Variants in OTUD7A observed in about 807,000 individuals in gnomAD.
OTUD7A encodes the protein OTU domain-containing protein 7A.
In OTUD7A, 12 loss-of-function variants were observed where a neutral mutation model predicts 65.7. The ratio of observed to expected loss-of-function variants is 0.18; its 90% CI spans 0.12 to 0.30. The LOEUF is 0.30. Ranked by LOEUF, OTUD7A falls within the 10% of genes least tolerant of loss-of-function variation. OTUD7A has a pLI of 1.00. For synonymous variants in OTUD7A, 641 were observed against 586.3 expected, an observed-to-expected ratio of 1.09 and a Z score of -1.35; for missense variants, 1,148 against 1,304.8, an observed-to-expected ratio of 0.88 and a Z score of 1.85.
At chr15:31,821,133 CTTTTTTTTTTTTT>C (rs35732957) in intron 1 of OTUD7A, among the ~76,000 whole-genome samples, 3 of 97,452 alleles carry the variant, frequency 3.1e-5, no homozygotes, top group Non-Finnish European at 5.9e-5. Context: ...TTTTTCATTT[CTTTTTTTTTTTTT>C]TTTTTTTTGA....
intron 1 of OTUD7A, among the ~76,000 whole-genome samples, chr15:31,856,821 C>A (rs2141011050): frequency 6.6e-6 from 1 of 152,314 alleles, no homozygotes; most frequent in East Asian, 1.9e-4. Context: ...CCCAACGGGT[C>A]CAGATTGTCA....
intron 3 of OTUD7A, among the ~76,000 whole-genome samples, chr15:31,576,217 T>C (rs985880785): frequency 7.9e-5 from 12 of 152,210 alleles, no homozygotes; most frequent in African/African-American, 2.9e-4. Context: ...AACAGTTCTG[T>C]GGCATTTTAC....
rs150862465 is a variant in OTUD7A at position 31,547,202 on chromosome 15, A to G, written c.550+11767T>C. ...GTCTTCAGAAAACCCCAATTTGCAA[A>G]TATTTTCACCTCATTTTATTTTTTC... is the stretch of plus-strand genomic sequence containing the variant. On this transcript the variant is annotated intron_variant, in intron 5 of 12. Transcript: ENST00000307050. 9.0e-4 allele frequency among the ~76,000 whole-genome samples: 112 copies of G among 124,866 alleles called. 1 individual carries two copies. Among genetic ancestry groups the G allele is most frequent in the African/African-American group, 2.8e-3 (111 of 39,624 alleles). 81.9% of individuals were successfully genotyped at this position (124,866 alleles called of 152,430 possible). A position where few individuals can be genotyped will look rare whatever the true frequency, so the allele number is the denominator to read the frequency against.
intron 1 of OTUD7A, among the ~76,000 whole-genome samples, chr15:31,848,878 G>C (rs1193081149): frequency 6.6e-6 from 1 of 152,182 alleles, no homozygotes; most frequent in African/African-American, 2.4e-5. Context: ...TTGCTGCCCT[G>C]TCCTTTTATG....
chr15:31,860,671 A>ATT (rs1897704124), intron 1 of OTUD7A, among the ~76,000 whole-genome samples: 1 of 38,528 alleles, frequency 2.6e-5, no homozygotes. Flanking sequence ...ATATAGATGT[A>ATT]TGTGTGTATA....
At chr15:31,741,237 A>G (rs1426870274) in intron 1 of OTUD7A, among the ~76,000 whole-genome samples, 1 of 152,220 alleles carries the variant, frequency 6.6e-6, no homozygotes, top group Non-Finnish European at 1.5e-5. Context: ...ACTTCCAAAT[A>G]ACCCATAGGA....
chr15:31,739,028 G>A (rs1894267019), intron 1 of OTUD7A, among the ~76,000 whole-genome samples: 2 of 115,006 alleles, frequency 1.7e-5, no homozygotes, highest in African/African-American at 6.5e-5. Context: ...GCTTCAGAAA[G>A]GCCACGGTCT....
At chr15:31,701,839 C>T (rs886841536) in intron 1 of OTUD7A, among the ~76,000 whole-genome samples, 1 of 152,122 alleles carries the variant, frequency 6.6e-6, no homozygotes, top group South Asian at 2.1e-4. Context: ...CAGACAAACC[C>T]AATGTAAACA....
Position 31,483,219 on chromosome 15 carries a change from G to A in OTUD7A, c.*75C>T. 2 of 1,042,920 alleles carry A rather than the reference G, an allele frequency of 1.9e-6. No individual in the cohort carries two copies. Among genetic ancestry groups the A allele is most frequent in the Non-Finnish European group, 2.3e-6 (2 of 868,014 alleles). 64.6% of individuals were successfully genotyped at this position (1,042,920 alleles called of 1,614,324 possible). A position where few individuals can be genotyped will look rare whatever the true frequency, so the allele number is the denominator to read the frequency against. On this transcript the variant is annotated 3_prime_UTR_variant, in exon 13 of 13. Coordinates refer to ENST00000307050, the MANE Select transcript of OTUD7A (RefSeq NM_001382637.1). ...CCGGCCTTCCGGTGGACCAGGGCATGTAAAAAAGACACCGACACAATGGAA... is the reference window on the plus strand; with the variant it reads ...CCGGCCTTCCGGTGGACCAGGGCATATAAAAAAGACACCGACACAATGGAA...
intron 3 of OTUD7A, among the ~76,000 whole-genome samples, chr15:31,588,033 C>A (rs532863388): frequency 6.6e-6 from 1 of 152,034 alleles, no homozygotes; most frequent in Non-Finnish European, 1.5e-5. Flanking sequence ...ATAATCCCTA[C>A]AGAAATGCCC....
intron 3 of OTUD7A, among the ~76,000 whole-genome samples, chr15:31,640,114 T>C (rs967269625): frequency 6.6e-6 from 1 of 152,218 alleles, no homozygotes; most frequent in Non-Finnish European, 1.5e-5. Flanking sequence ...TCTCATGAAT[T>C]AATGGCATTT....
intron 3 of OTUD7A, among the ~76,000 whole-genome samples, chr15:31,617,227 G>A (rs761833803): frequency 1.2e-4 from 18 of 152,154 alleles, no homozygotes; most frequent in African/African-American, 2.4e-4. Context: ...AGTGGCTCAC[G>A]CCTGTAATCC....
intron 1 of OTUD7A, among the ~76,000 whole-genome samples, chr15:31,839,760 T>C (rs535742039): frequency 1.3e-5 from 2 of 152,266 alleles, no homozygotes; most frequent in South Asian, 4.1e-4. Flanking sequence ...CAGGTATAAA[T>C]AAGGGCATCG....
At chr15:31,734,202 G>T (rs1894123416) in intron 1 of OTUD7A, among the ~76,000 whole-genome samples, 1 of 152,252 alleles carries the variant, frequency 6.6e-6, no homozygotes, top group African/African-American at 2.4e-5. Flanking sequence ...AACCAGGGAG[G>T]TTAAAAATCT....
intron 1 of OTUD7A, among the ~76,000 whole-genome samples, chr15:31,827,680 A>G (rs1567043481): frequency 6.6e-6 from 1 of 152,102 alleles, no homozygotes; most frequent in Non-Finnish European, 1.5e-5. Flanking sequence ...TAATCCCAGC[A>G]CTTTGGGAGG....
At position 31,503,776 on chromosome 15, in the gene OTUD7A, C is replaced by A; in HGVS notation, c.936G>T (p.Glu312Asp). 6.2e-7 allele frequency: 1 copy of A among 1,614,220 alleles called. No individual in the cohort carries two copies. Among genetic ancestry groups the A allele is most frequent in the Non-Finnish European group, 8.5e-7 (1 of 1,180,038 alleles). The part of the protein sequence containing the change: ...SEDPVYESLE[E>D]FHVFVLAHIL... ...TATGGGCTAGGACAAAAACGTGGAA[C>A]TCTTCCAGGCTCTCGTACACGGGGT... Residue 312 changes from glutamate to aspartate, a missense_variant, in exon 9 of 13, where the codon GAG (glutamate) becomes GAT (aspartate). Around this residue, in one of 6 missense-constraint regions of OTUD7A, gnomAD observed 58 missense variants for 131.4 expected, o/e 0.44. Transcript: ENST00000307050.
chr15:31,530,859 C>T lies in OTUD7A; in HGVS notation c.551-51G>A, dbSNP rs57131062. The T allele has an allele frequency of 4.6e-6, 7 of 1,511,074 alleles. 1 individual carries two copies. The African/African-American group carries it at 9.7e-5, about 21-fold the overall frequency. The allele number at this position is 1,511,074 out of a possible 1,614,324, so 93.6% of individuals were successfully genotyped here. A position where few individuals can be genotyped will look rare whatever the true frequency, so the allele number is the denominator to read the frequency against. On this transcript the variant is annotated intron_variant, in intron 5 of 12. Coordinates refer to ENST00000307050, the MANE Select transcript of OTUD7A (RefSeq NM_001382637.1). ...AGGATCCCAGAAAAGGAAGGGGCCA[C>T]TGGGGGTGTTTGCTAAGGAGGCATA...
chr15:31,480,814 G>GT lies in OTUD7A; in HGVS notation c.*2479dup, dbSNP rs575570357. The GT allele has an allele frequency of 6.0e-4, 91 of 152,378 alleles. No homozygotes were observed. Among genetic ancestry groups the GT allele is most frequent in the African/African-American group, 2.1e-3 (89 of 41,586 alleles). 9.4% of individuals were successfully genotyped at this position (152,378 alleles called of 1,614,324 possible). A position where few individuals can be genotyped will look rare whatever the true frequency, so the allele number is the denominator to read the frequency against. ...TAAGTCATGTGGACTGAGTGGTAAT[G>GT]TATCAGCCTGGAGCAGGTGTCTACA... On this transcript the variant is annotated 3_prime_UTR_variant, in exon 13 of 13. Transcript: ENST00000307050.
At chr15:31,767,861 C>T (rs1425811755) in intron 1 of OTUD7A, 9 of 1,141,830 alleles carry the variant, frequency 7.9e-6, no homozygotes, top group Middle Eastern at 4.0e-4. Flanking sequence ...TGGATGCCTT[C>T]GTGGTAGAGT....
Sources: gnomAD v4.1 joint callset for allele counts (sites outside exome capture counted in the v4.1 genomes callset) on GRCh38, gnomAD v4.1.1 for gene constraint, gnomAD v4.1.1 regional missense constraint, MANE v1.5 for transcripts, NCBI Gene and HGNC (gene_info 2026-07-23, HGNC 2026-07-21) for gene names.